The following SLC9A9 variants were observed in gnomAD, a reference collection of about 807,000 sequenced individuals.
The protein encoded by SLC9A9 is solute carrier family 9 member A9.
A neutral mutation model predicts 77.8 loss-of-function variants in SLC9A9; 62 were observed. The observed-to-expected ratio is 0.80, with a 90% confidence interval of 0.65 to 0.98. The LOEUF (loss-of-function observed/expected upper bound fraction) is 0.98. Ranked by LOEUF, SLC9A9 falls within the 50% of genes least tolerant of loss-of-function variation. The pLI, the probability that SLC9A9 is intolerant of heterozygous loss-of-function variation, is 0.00. For missense variants in SLC9A9, 775 were observed against 774.9 expected, an observed-to-expected ratio of 1.00 and a Z score of 0.00; for synonymous variants, 320 against 283.5, an observed-to-expected ratio of 1.13 and a Z score of -1.29.
Position 143,449,571 on chromosome 3 carries a change from TA to T in SLC9A9, c.1469+17465del, listed in dbSNP as rs1320788859. The stretch of plus-strand genomic sequence containing the variant: ...AAAATAATTATATAAAATATAATTA[TA>T]ATTATATAATTATATAAAATATAAT... On this transcript the variant is annotated intron_variant, in intron 12 of 15. Coordinates refer to ENST00000316549, the MANE Select transcript of SLC9A9 (RefSeq NM_173653.4). Among the ~76,000 whole-genome samples, 14 of 21,766 alleles carry T rather than the reference TA, an allele frequency of 6.4e-4. 1 individual carries two copies. Among genetic ancestry groups the T allele is most frequent in the African/African-American group, 1.2e-3 (4 of 3,350 alleles). 14.3% of individuals were successfully genotyped at this position (21,766 alleles called of 152,430 possible). A position where few individuals can be genotyped will look rare whatever the true frequency, so the allele number is the denominator to read the frequency against.
chr3:143,553,989 C>A (rs1461476459), intron 8 of SLC9A9, among the ~76,000 whole-genome samples: 2 of 152,136 alleles, frequency 1.3e-5, no homozygotes, highest in African/African-American at 2.4e-5. Flanking sequence ...TGGCATAAAT[C>A]ATTTCTCTTT....
chr3:143,281,054 G>A (rs56959730), intron 14 of SLC9A9, among the ~76,000 whole-genome samples: 106 of 152,232 alleles, frequency 7.0e-4, no homozygotes, highest in African/African-American at 2.3e-3. Flanking sequence ...AAGTAGGTGC[G>A]GCTCTAGGAC....
At chr3:143,347,413 A>C (rs1254425063) in intron 14 of SLC9A9, among the ~76,000 whole-genome samples, 6 of 152,218 alleles carry the variant, frequency 3.9e-5, no homozygotes, top group African/African-American at 1.4e-4. Flanking sequence ...CAAAGGAAAC[A>C]GATAAATGGA....
At chr3:143,573,919 TA>T (rs1289347384) in intron 8 of SLC9A9, among the ~76,000 whole-genome samples, 168 bp downstream of exon 8, 1 of 152,204 alleles carries the variant, frequency 6.6e-6, no homozygotes, top group Non-Finnish European at 1.5e-5. Context: ...GAATTACTAT[TA>T]TTTTTTCTCT....
intron 14 of SLC9A9, among the ~76,000 whole-genome samples, chr3:143,354,502 C>T (rs534541209): frequency 1.3e-5 from 2 of 152,294 alleles, no homozygotes; most frequent in East Asian, 1.9e-4. Flanking sequence ...GAGCTAGACC[C>T]AGGACTGTGT....
intron 6 of SLC9A9, among the ~76,000 whole-genome samples, chr3:143,598,846 C>G (rs1391998284): frequency 6.6e-6 from 1 of 152,102 alleles, no homozygotes; most frequent in Non-Finnish European, 1.5e-5. Flanking sequence ...TGGTAGGCAC[C>G]AATAAGGACA....
chr3:143,756,671 G>A (rs1475045635), intron 4 of SLC9A9, among the ~76,000 whole-genome samples: 1 of 152,188 alleles, frequency 6.6e-6, no homozygotes, highest in African/African-American at 2.4e-5. Context: ...ATGCAGACTG[G>A]CTGAAAGTAT....
At chr3:143,806,339 G>C (rs1270098022) in intron 2 of SLC9A9, among the ~76,000 whole-genome samples, 2 of 151,852 alleles carry the variant, frequency 1.3e-5, no homozygotes, top group Non-Finnish European at 2.9e-5. Context: ...TAGCATTTTG[G>C]CCCCTCTTTT....
chr3:143,814,743 G>A (rs527648628), intron 2 of SLC9A9, among the ~76,000 whole-genome samples: 1 of 152,136 alleles, frequency 6.6e-6, no homozygotes, highest in Admixed American at 6.5e-5. Context: ...AGAATGGCTG[G>A]GGAGGAGCCG....
chr3:143,467,757 GAC>G (rs1553757997), intron 11 of SLC9A9, among the ~76,000 whole-genome samples: 60 of 149,058 alleles, frequency 4.0e-4, no homozygotes, highest in African/African-American at 1.5e-3. Context: ...GAGAGAGAGA[GAC>G]AGAAACATTT....
chr3:143,537,199 A>C (rs1239525602), intron 9 of SLC9A9, among the ~76,000 whole-genome samples: 1 of 152,238 alleles, frequency 6.6e-6, no homozygotes, highest in African/African-American at 2.4e-5. Flanking sequence ...ACTTAGGTAG[A>C]GTTTAAAATA....
intron 11 of SLC9A9, among the ~76,000 whole-genome samples, chr3:143,475,831 T>G (rs1382223922): frequency 7.1e-6 from 1 of 140,902 alleles, no homozygotes; most frequent in Admixed American, 7.0e-5. Context: ...CAAAAGAAAA[T>G]GAGCAGTAGA....
At chr3:143,469,866 T>C (rs2035348401) in intron 11 of SLC9A9, among the ~76,000 whole-genome samples, 1 of 152,150 alleles carries the variant, frequency 6.6e-6, no homozygotes, top group African/African-American at 2.4e-5. Flanking sequence ...ACATTTGAAG[T>C]AGATATTAAT....
intron 14 of SLC9A9, among the ~76,000 whole-genome samples, chr3:143,356,744 G>A (rs1047720550): frequency 1.1e-4 from 17 of 151,966 alleles, no homozygotes; most frequent in African/African-American, 3.9e-4. Context: ...CAAACTCTTG[G>A]GCTCAACTGA....
At position 143,275,927 on chromosome 3, in the gene SLC9A9, T is replaced by C. The variant is rs541018900; in HGVS notation, c.1605-6947A>G. On this transcript the variant is annotated intron_variant, in intron 14 of 15. Coordinates refer to ENST00000316549, the MANE Select transcript of SLC9A9 (RefSeq NM_173653.4). ...GAATGAGGCAGGATTTAGAAAACTT[T>C]CTAAGCTTCAGAGTTCTCTCTTCGG... 5.3e-5 allele frequency among the ~76,000 whole-genome samples: 8 copies of C among 152,338 alleles called. No individual in the cohort carries two copies. In the South Asian group the frequency reaches 1.4e-3, roughly 28 times the overall value.
intron 8 of SLC9A9, among the ~76,000 whole-genome samples, chr3:143,566,855 C>T (rs1317585224): frequency 6.6e-6 from 1 of 152,058 alleles, no homozygotes; most frequent in Non-Finnish European, 1.5e-5. Flanking sequence ...AAACCTGACC[C>T]CCAAAGTCTC....
chr3:143,329,224 T>C (rs746037827), intron 14 of SLC9A9, among the ~76,000 whole-genome samples: 7 of 152,196 alleles, frequency 4.6e-5, no homozygotes, highest in Non-Finnish European at 8.8e-5. Flanking sequence ...TAGCAATGTT[T>C]TTTGTCCGTT....
At chr3:143,281,195 A>G (rs1938207402) in intron 14 of SLC9A9, among the ~76,000 whole-genome samples, 1 of 152,196 alleles carries the variant, frequency 6.6e-6, no homozygotes, top group African/African-American at 2.4e-5. Context: ...TGGTAAAGCC[A>G]CAGATCAGAG....
chr3:143,414,331 T>C (rs1462063922), intron 12 of SLC9A9, among the ~76,000 whole-genome samples: 1 of 152,236 alleles, frequency 6.6e-6, no homozygotes, highest in Non-Finnish European at 1.5e-5. Context: ...TGTGGTTCTG[T>C]ATGTATGTGT....
Sources: allele counts gnomAD v4.1 joint callset (sites outside exome capture counted in the v4.1 genomes callset), GRCh38; gene constraint gnomAD v4.1.1; transcripts MANE v1.5; gene names NCBI Gene and HGNC (gene_info 2026-07-23, HGNC 2026-07-21).